The following ADGRG1 variants were observed in gnomAD, a reference collection of about 807,000 sequenced individuals.
ADGRG1 encodes adhesion G protein-coupled receptor G1.
ADGRG1 carries 53 observed loss-of-function variants against 73.5 expected under a neutral mutation model. That is an observed-to-expected ratio of 0.72 (90% CI 0.58 to 0.91). The LOEUF (loss-of-function observed/expected upper bound fraction) is 0.91. Among genes scored for constraint, ADGRG1 ranks in the 40% least tolerant of loss-of-function variants. The probability of loss-of-function intolerance (pLI) is 0.00; values close to 1 mark genes in which losing one functional copy is unlikely to be tolerated. For missense variants in ADGRG1, 795 were observed against 871.8 expected (o/e 0.91, Z 1.11); for synonymous variants, 394 against 374.4 (o/e 1.05, Z -0.60).
At chr16:57,644,214 G>A (rs2147871557) in intron 1 of ADGRG1, 7 of 984,270 alleles carry the variant, frequency 7.1e-6, no homozygotes, top group Non-Finnish European at 8.4e-6. Flanking sequence ...GTATGCACGG[G>A]CACACGCACT....
chr16:57,641,029 T>A lies in ADGRG1; in HGVS notation c.-35-9224T>A, dbSNP rs765925814. 3.0e-6 allele frequency: 3 copies of A among 985,396 alleles called. No individual in the cohort carries two copies. The African/African-American group carries it at 5.2e-5, about 17-fold the overall frequency. 61.0% of individuals were successfully genotyped at this position (985,396 alleles called of 1,614,324 possible). On this transcript the variant is annotated intron_variant, in intron 1 of 13. Transcript: ENST00000562631. Reference sequence around the variant, plus strand: ...GTCTAGAGGGGTCAGGGGAGACGGTTCAGCATCCTCTTTGTCCCTTGCTAC... The same window carrying A: ...GTCTAGAGGGGTCAGGGGAGACGGTACAGCATCCTCTTTGTCCCTTGCTAC...
chr16:57,641,597 G>C (rs1235495317), intron 1 of ADGRG1: 1 of 942,478 alleles, frequency 1.1e-6, no homozygotes, highest in South Asian at 4.9e-5. Flanking sequence ...ACAGGGTCTC[G>C]CTCTGTCACA....
Position 57,661,976 on chromosome 16 carries a change from G to A in ADGRG1, c.1933+11G>A, listed in dbSNP as rs1407998158. 1 of 1,607,576 alleles carries A rather than the reference G, an allele frequency of 6.2e-7. No individual in the cohort carries two copies. The highest frequency in any genetic ancestry group is 1.1e-5 in the South Asian group (1 of 90,968). ...TCACCTCCTTCCAAGGTAAGGAGAA[G>A]ACCCGTCCCTTGGCCCAGGCAGGGT... On this transcript the variant is annotated intron_variant, in intron 13 of 13. Coordinates refer to ENST00000562631, the MANE Select transcript of ADGRG1 (RefSeq NM_201525.4).
At chr16:57,655,784 A>G in intron 6 of ADGRG1, 92 bp from the exon 7 acceptor site, 1 of 1,612,784 alleles carries the variant, frequency 6.2e-7, no homozygotes, top group Non-Finnish European at 8.5e-7. Flanking sequence ...GTGCTGGGAG[A>G]GGGTTATCTA....
intron 11 of ADGRG1, 43 bp from the exon 12 acceptor site, chr16:57,660,725 C>G (rs1287579577): frequency 6.7e-7 from 1 of 1,498,486 alleles, no homozygotes; most frequent in Non-Finnish European, 9.2e-7. Flanking sequence ...ATGGGCAGGC[C>G]TCAGAGAGCG....
chr16:57,655,317 G>GA lies in ADGRG1; in HGVS notation c.769-82_769-81insA. On this transcript the variant is annotated intron_variant, in intron 5 of 13. Transcript: ENST00000562631. ...GAAGTGGCAGCGTCCAGGAACGGAT[G>GA]GGTGTGTGTGTGTGTGTGCTAGGGT... 3.2e-6 allele frequency: 5 copies of GA among 1,542,018 alleles called. No homozygotes were observed. The African/African-American group carries it at 7.9e-5, about 24-fold the overall frequency.
chr16:57,660,532 G>C, intron 11 of ADGRG1: 1 of 734,762 alleles, frequency 1.4e-6, no homozygotes, highest in Non-Finnish European at 1.7e-6. Context: ...GGCCCCCAGG[G>C]TGACGAAGGG....
intron 1 of ADGRG1, chr16:57,633,649 C>A: frequency 3.1e-6 from 1 of 321,558 alleles, no homozygotes; most frequent in Non-Finnish European, 4.5e-6. Context: ...TAATTGTAAA[C>A]ATGAGGCTGG....
chr16:57,660,870 C>T lies in ADGRG1; in HGVS notation c.1658C>T (p.Pro553Leu), dbSNP rs887812689. 6.4e-7 allele frequency: 1 copy of T among 1,572,444 alleles called. No homozygotes were observed. The change falls in exon 12 of 14, where the codon CCT becomes CTT. Residue 553 changes from proline to leucine, a missense_variant. By Grantham distance (98) the Pro-to-Leu change is moderately conservative. Transcript: ENST00000562631. ...VHRTPEGVIYPSMCWIRDSLV... is the reference protein window; with the variant it reads ...VHRTPEGVIYLSMCWIRDSLV... ...AGGACTCCAGAGGGCGTCATCTACC[C>T]TTCCATGTGAGTGGCTGTGTGCAAT... is the stretch of plus-strand genomic sequence containing the variant.
rs2041032102 is a variant in ADGRG1 at position 57,642,266 on chromosome 16, G to A, written c.-35-7987G>A. 4.1e-6 allele frequency: 4 copies of A among 985,270 alleles called. No homozygotes were observed. The African/African-American group carries it at 7.0e-5, about 17-fold the overall frequency. The allele number at this position is 985,270 out of a possible 1,614,324, so 61.0% of individuals were successfully genotyped here. On this transcript the variant is annotated intron_variant, in intron 1 of 13. Transcript: ENST00000562631. Reference sequence around the variant, plus strand: ...CACGAGCTGGTGCTGCCGGCCGAAGGGAGGTGGGATAGGCCTGAATATACC... The same window carrying A: ...CACGAGCTGGTGCTGCCGGCCGAAGAGAGGTGGGATAGGCCTGAATATACC...
At chr16:57,647,262 G>A in intron 1 of ADGRG1, 1 of 985,384 alleles carries the variant, frequency 1.0e-6, no homozygotes, top group African/African-American at 1.7e-5. Context: ...TCTGGGTGGG[G>A]TTTAACCTTC....
chr16:57,637,780 C>G (rs1168958657), intron 1 of ADGRG1: 1 of 842,678 alleles, frequency 1.2e-6, no homozygotes, highest in African/African-American at 1.8e-5. Flanking sequence ...CCCCTCAGCC[C>G]CAAGCCCCTG....
chr16:57,623,079 A>T, upstream of ADGRG1: 2 of 983,978 alleles, frequency 2.0e-6, no homozygotes, highest in East Asian at 2.3e-4. Context: ...ATCCTGTGTG[A>T]CCTGAGTCAG....
intron 1 of ADGRG1, chr16:57,641,448 G>A (rs1240229204): frequency 1.6e-5 from 16 of 982,706 alleles, no homozygotes; most frequent in Non-Finnish European, 1.9e-5. Context: ...CAGAGTCTTC[G>A]GACTGCTGGC....
chr16:57,630,668 C>A, intron 1 of ADGRG1: 1 of 348,798 alleles, frequency 2.9e-6, no homozygotes, highest in Non-Finnish European at 4.0e-6. Context: ...AACAAACAAA[C>A]AACAGTTAGG....
chr16:57,631,270 A>G (rs13337416), intron 1 of ADGRG1: 354,678 of 985,592 alleles, frequency 0.36, 64,774 homozygotes, highest in East Asian at 0.55. Context: ...AAAGGCAGGT[A>G]AGAGGAGTGG....
At chr16:57,639,703 C>T (rs117791686) in intron 1 of ADGRG1, 632 of 970,526 alleles carry the variant, frequency 6.5e-4, no homozygotes, top group Non-Finnish European at 7.4e-4. Flanking sequence ...CCCCTCCTCC[C>T]CGTCCCTTTC....
chr16:57,644,907 A>ACT (rs60642464), intron 1 of ADGRG1, among the ~76,000 whole-genome samples: 14,462 of 135,196 alleles, frequency 0.11, 1,005 homozygotes, highest in East Asian at 0.35. Flanking sequence ...CACACTCATC[A>ACT]CTTCATAACT....
chr16:57,627,238 C>G (rs1388848614), upstream of ADGRG1: 5 of 237,210 alleles, frequency 2.1e-5, no homozygotes, highest in Admixed American at 3.2e-4. Context: ...CATTCTTCCT[C>G]CACGTGGCAT....
Sources: gnomAD v4.1 joint callset for allele counts (sites outside exome capture counted in the v4.1 genomes callset) on GRCh38, gnomAD v4.1.1 for gene constraint, MANE v1.5 for transcripts, NCBI Gene and HGNC (gene_info 2026-07-23, HGNC 2026-07-21) for gene names.